Variants in VTCN1 observed in about 807,000 individuals in gnomAD.
VTCN1 encodes V-set domain-containing T-cell activation inhibitor 1.
Under a neutral mutation model 26.5 loss-of-function variants are expected in VTCN1, and 26 were observed. The observed-to-expected ratio is 0.98, with a 90% CI of 0.72 to 1.36. The LOEUF (loss-of-function observed/expected upper bound fraction) is 1.36. Ranked by LOEUF, VTCN1 falls within the 40% of genes most tolerant of loss-of-function variation. The probability of loss-of-function intolerance (pLI) is 0.00; values close to 1 mark genes in which losing one functional copy is unlikely to be tolerated. For synonymous variants in VTCN1, 116 were observed against 130.7 expected, an observed-to-expected ratio of 0.89 and a Z score of 0.77; for missense variants, 298 against 337.7, an observed-to-expected ratio of 0.88 and a Z score of 0.92.
chr1:117,146,145 G>A lies in VTCN1; in HGVS notation c.*46-920C>T, dbSNP rs899328767. 5.3e-5 allele frequency among the ~76,000 whole-genome samples: 8 copies of A among 152,154 alleles called. No homozygotes were observed. Among genetic ancestry groups the A allele is most frequent in the Non-Finnish European group, 1.2e-4 (8 of 68,042 alleles). On this transcript the variant is annotated intron_variant, in intron 5 of 5. Coordinates refer to ENST00000369458, the MANE Select transcript of VTCN1 (RefSeq NM_024626.4). The surrounding 1 kb of genome is among the most constrained non-coding windows in gnomAD (Gnocchi z 4.2). ...TACAAGGTAAAGATGAGTCAGCTAT[G>A]TTATATAGGACATATTATTTAGTTG...
intron 1 of VTCN1, among the ~76,000 whole-genome samples, chr1:117,176,971 C>A (rs926056279): frequency 6.6e-6 from 1 of 152,088 alleles, no homozygotes; most frequent in African/African-American, 2.4e-5. Context: ...TGGTGGTGTG[C>A]ATGCGTAGTC....
chr1:117,168,858 G>T (rs975880731), intron 2 of VTCN1, among the ~76,000 whole-genome samples: 1 of 152,146 alleles, frequency 6.6e-6, no homozygotes, highest in Admixed American at 6.5e-5. Flanking sequence ...GCCTCCCATA[G>T]TGCTGGGATT....
At chr1:117,210,537 G>A (rs993157550) in intron 1 of VTCN1, among the ~76,000 whole-genome samples, 1 of 152,152 alleles carries the variant, frequency 6.6e-6, no homozygotes, top group Non-Finnish European at 1.5e-5. Context: ...GCCCAGCTTG[G>A]CACGTACTCC....
In VTCN1 at chr1:117,170,106, C is replaced by T. The variant is rs773091041; in HGVS notation, c.97+1G>A. The stretch of plus-strand genomic sequence containing the variant: ...TTGTAGTAATGCAAGAAATCACATA[C>T]CTGAAATACCAAAGCCAATGATGAG... On this transcript the variant is annotated splice_donor_variant, in intron 2 of 5. Coordinates refer to ENST00000369458, the MANE Select transcript of VTCN1 (RefSeq NM_024626.4). LOFTEE classifies it high-confidence loss of function. 7.4e-6 allele frequency: 12 copies of T among 1,612,974 alleles called. No individual in the cohort carries two copies. The South Asian group carries it at 9.9e-5, about 13-fold the overall frequency.
intron 4 of VTCN1, among the ~76,000 whole-genome samples, chr1:117,149,192 A>C (rs182789611): frequency 6.6e-6 from 1 of 152,136 alleles, no homozygotes; most frequent in East Asian, 1.9e-4. Context: ...TGTGCTAAGC[A>C]CTGGGCATCT....
intron 2 of VTCN1, among the ~76,000 whole-genome samples, chr1:117,158,189 C>T (rs981246224): frequency 1.7e-4 from 26 of 152,222 alleles, no homozygotes; most frequent in African/African-American, 6.0e-4. Context: ...TTTCTCACAG[C>T]TCCACTAAGT....
rs763706192 is a variant in VTCN1, at chr1:117,156,782, C to G, written c.237G>C (p.Leu79Phe). The change falls in exon 3 of 6, where the codon TTG becomes TTC. Residue 79 changes from leucine to phenylalanine, a missense_variant. Coordinates refer to ENST00000369458, the MANE Select transcript of VTCN1 (RefSeq NM_024626.4). ...CTTTGCCTTCTTTGAACTCATGGAC[C>G]AAGCCTAAAACACCTTCCTTCAGCC... is the stretch of plus-strand genomic sequence containing the variant. Reference protein sequence around the residue: ...IQWLKEGVLGLVHEFKEGKDE... With the variant: ...IQWLKEGVLGFVHEFKEGKDE... 14 of 1,613,984 alleles carry G rather than the reference C, an allele frequency of 8.7e-6. No individual in the cohort carries two copies. The highest frequency in any genetic ancestry group is 1.2e-5 in the Non-Finnish European group (14 of 1,180,026).
chr1:117,207,494 C>T (rs561375179), intron 1 of VTCN1, among the ~76,000 whole-genome samples: 17 of 151,984 alleles, frequency 1.1e-4, no homozygotes, highest in East Asian at 1.9e-4. Context: ...TTCAGCCATC[C>T]GTCCTGGCCC....
At chr1:117,203,999 G>T (rs1648919094) in intron 1 of VTCN1, among the ~76,000 whole-genome samples, 1 of 152,156 alleles carries the variant, frequency 6.6e-6, no homozygotes, top group South Asian at 2.1e-4. Context: ...CACCACTTCA[G>T]GTGGCAGAGG....
intron 1 of VTCN1, among the ~76,000 whole-genome samples, chr1:117,180,456 A>T (rs1468084996): frequency 6.6e-6 from 1 of 152,182 alleles, no homozygotes; most frequent in Non-Finnish European, 1.5e-5. Flanking sequence ...CACTGCAGAG[A>T]AAAAAACATT....
chr1:117,152,162 T>C (rs1372309278), intron 4 of VTCN1, among the ~76,000 whole-genome samples: 1 of 152,210 alleles, frequency 6.6e-6, no homozygotes, highest in African/African-American at 2.4e-5. Flanking sequence ...GTTACTTTTG[T>C]GTGTGTGAGT....
At position 117,166,736 on chromosome 1, in the gene VTCN1, ATCT is replaced by A. The variant is rs1652633727; in HGVS notation, c.97+3368_97+3370del. 2.0e-5 allele frequency among the ~76,000 whole-genome samples: 3 copies of A among 152,020 alleles called. No homozygotes were observed. In the South Asian group the frequency reaches 6.2e-4, roughly 32 times the overall value. On this transcript the variant is annotated intron_variant, in intron 2 of 5. Transcript: ENST00000369458. ...TACCAAAATGTACTTTAGCATTACT[ATCT>A]TTAAAAGTTATTCCAAAATATTTGG...
chr1:117,195,169 G>A (rs1169090437), intron 1 of VTCN1, among the ~76,000 whole-genome samples: 2 of 151,850 alleles, frequency 1.3e-5, no homozygotes, highest in African/African-American at 4.8e-5. Context: ...GGCTGAGACA[G>A]GAGAATTGTT....
chr1:117,199,286 A>G (rs528970252), intron 1 of VTCN1, among the ~76,000 whole-genome samples: 82 of 152,274 alleles, frequency 5.4e-4, no homozygotes, highest in African/African-American at 1.9e-3. Flanking sequence ...AATGTCCTAG[A>G]AGAATATATA....
intron 1 of VTCN1, among the ~76,000 whole-genome samples, chr1:117,195,864 A>G (rs1238235113): frequency 1.3e-5 from 2 of 152,190 alleles, no homozygotes; most frequent in Non-Finnish European, 2.9e-5. Flanking sequence ...AAATTAATGT[A>G]ATAGGATTGG....
At chr1:117,179,787 T>A (rs1487960119) in intron 1 of VTCN1, among the ~76,000 whole-genome samples, 1 of 152,226 alleles carries the variant, frequency 6.6e-6, no homozygotes, top group East Asian at 1.9e-4. Context: ...AGCTAATATT[T>A]ATCTGAGTAC....
chr1:117,195,238 G>A (rs2101587192), intron 1 of VTCN1, among the ~76,000 whole-genome samples: 1 of 148,950 alleles, frequency 6.7e-6, no homozygotes, highest in South Asian at 2.2e-4. Flanking sequence ...CTCCAGCCTG[G>A]AGAGAGAGCA....
chr1:117,155,692 A>G lies in VTCN1; in HGVS notation c.445+882T>C, dbSNP rs1477903401. 6.6e-6 allele frequency among the ~76,000 whole-genome samples: 1 copy of G among 152,068 alleles called. No individual in the cohort carries two copies. The highest frequency in any genetic ancestry group is 1.5e-5 in the Non-Finnish European group (1 of 68,004). ...GTCTGATTCTAGATCTGAGCTTCGAATCATTGCATATGCATGTTATGAGGT... is the reference window on the plus strand; with the variant it reads ...GTCTGATTCTAGATCTGAGCTTCGAGTCATTGCATATGCATGTTATGAGGT... On this transcript the variant is annotated intron_variant, in intron 3 of 5. Coordinates refer to ENST00000369458, the MANE Select transcript of VTCN1 (RefSeq NM_024626.4). The surrounding 1 kb of genome is among the most constrained non-coding windows in gnomAD (Gnocchi z 4.8).
Position 117,147,347 on chromosome 1 carries a change from T to C in VTCN1, c.*45+266A>G, listed in dbSNP as rs1432319165. ...TCTTCAATAAGTTATTTTGCCTTCA[T>C]TGATGACTGAGTAACTTAAAAGGTA... On this transcript the variant is annotated intron_variant, in intron 5 of 5. Transcript: ENST00000369458. This position sits in a 1 kb window ranked among gnomAD's most constrained non-coding sequence, Gnocchi z 4.6. Among the ~76,000 whole-genome samples the C allele has an allele frequency of 1.3e-5, 2 of 152,210 alleles. No individual in the cohort carries two copies. The highest frequency in any genetic ancestry group is 2.9e-5 in the Non-Finnish European group (2 of 68,022).
Sources: allele counts gnomAD v4.1 joint callset (sites outside exome capture counted in the v4.1 genomes callset), GRCh38; gene constraint gnomAD v4.1.1; non-coding constraint Gnocchi (gnomAD v3.1); transcripts MANE v1.5; gene names NCBI Gene and HGNC (gene_info 2026-07-23, HGNC 2026-07-21).